Variants in INSL6 observed in about 807,000 individuals in gnomAD.
INSL6 encodes insulin like 6.
Under a neutral mutation model 9.4 loss-of-function variants are expected in INSL6, and 16 were observed. That is an observed-to-expected ratio of 1.70 (90% CI 1.15 to 2.59). The LOEUF (loss-of-function observed/expected upper bound fraction) is 2.59, where lower values mean the gene tolerates loss of function less well. Ranked by LOEUF, INSL6 falls within the 30% of genes most tolerant of loss-of-function variation. The pLI is 0.00. For synonymous variants in INSL6, 154 were observed against 96.9 expected (o/e 1.59, Z -3.46); for missense variants, 391 against 257.3 (o/e 1.52, Z -3.56).
At chr9:5,162,402 T>G (rs1179752427), downstream of INSL6, among the ~76,000 whole-genome samples, 2 of 152,116 alleles carry the variant, frequency 1.3e-5, no homozygotes, top group African/African-American at 4.8e-5. Context: ...TATATAGCTA[T>G]GCAAATAACA....
intron 2 of INSL6, among the ~76,000 whole-genome samples, chr9:5,149,105 T>G (rs1034055654): frequency 6.6e-6 from 1 of 152,208 alleles, no homozygotes; most frequent in Non-Finnish European, 1.5e-5. Flanking sequence ...TAACTCCATC[T>G]CTGTCGAATC....
the INSL6 span, among the ~76,000 whole-genome samples, chr9:5,072,278 C>A: frequency 6.6e-6 from 1 of 152,164 alleles, no homozygotes; most frequent in African/African-American, 2.4e-5. Flanking sequence ...AGCCAAAATA[C>A]ACTTAATTCA....
At chr9:5,120,738 T>C (rs746223731), downstream of INSL6, among the ~76,000 whole-genome samples, 1 of 152,168 alleles carries the variant, frequency 6.6e-6, no homozygotes, top group Non-Finnish European at 1.5e-5. Context: ...AGGAGACTGA[T>C]TGGAGATATT....
chr9:5,134,983 G>A (rs1824364689), intron 2 of INSL6, among the ~76,000 whole-genome samples: 1 of 152,154 alleles, frequency 6.6e-6, no homozygotes, highest in South Asian at 2.1e-4. Flanking sequence ...ATAAAGGAAT[G>A]GAGGAACATT....
At chr9:5,138,693 C>T (rs541860430) in intron 2 of INSL6, among the ~76,000 whole-genome samples, 1 of 151,042 alleles carries the variant, frequency 6.6e-6, no homozygotes, top group Admixed American at 6.6e-5. Flanking sequence ...AACAAACCTG[C>T]ACTTTCGGTA....
chr9:5,036,921 A>G, the INSL6 span, among the ~76,000 whole-genome samples: 1 of 152,248 alleles, frequency 6.6e-6, no homozygotes, highest in Middle Eastern at 3.2e-3. Flanking sequence ...CAGAGTGAAC[A>G]GGCAACCTAC....
At chr9:5,034,884 A>T in the INSL6 span, among the ~76,000 whole-genome samples, 1 of 152,064 alleles carries the variant, frequency 6.6e-6, no homozygotes, top group Non-Finnish European at 1.5e-5. Context: ...AATAACTGAG[A>T]TCAGAGCAGA....
intron 2 of INSL6, among the ~76,000 whole-genome samples, chr9:5,153,042 C>T (rs1244931233): frequency 6.6e-6 from 1 of 152,166 alleles, no homozygotes; most frequent in African/African-American, 2.4e-5. Flanking sequence ...CCTCGCAATC[C>T]GCAGACCAGG....
At chr9:5,031,696 A>T in the INSL6 span, among the ~76,000 whole-genome samples, 1 of 152,254 alleles carries the variant, frequency 6.6e-6, no homozygotes, top group Admixed American at 6.5e-5. Flanking sequence ...AGAAAAAATC[A>T]TATGGGAATG....
the INSL6 span, among the ~76,000 whole-genome samples, chr9:5,027,435 G>A: frequency 6.6e-6 from 1 of 152,162 alleles, no homozygotes; most frequent in Non-Finnish European, 1.5e-5. Flanking sequence ...CCTTCAGTGA[G>A]TCATAATCTT....
the INSL6 span, among the ~76,000 whole-genome samples, chr9:5,043,560 A>T: frequency 1.3e-5 from 2 of 152,212 alleles, no homozygotes; most frequent in African/African-American, 4.8e-5. Flanking sequence ...AAGGGTAAAC[A>T]AAGAGTTACC....
chr9:5,176,948 GC>G (rs1310953567), intron 1 of INSL6, among the ~76,000 whole-genome samples: 2 of 152,084 alleles, frequency 1.3e-5, no homozygotes, highest in Non-Finnish European at 2.9e-5. Flanking sequence ...AAAGTATTAA[GC>G]ATGAAATTAA....
chr9:5,130,289 T>C (rs999257984), intron 3 of INSL6, among the ~76,000 whole-genome samples: 2 of 152,258 alleles, frequency 1.3e-5, no homozygotes, highest in African/African-American at 2.4e-5. Context: ...TATATGGCAG[T>C]AGAAGCACTC....
At chr9:5,163,848 C>CAA, downstream of INSL6, 1 of 1,052,778 alleles carries the variant, frequency 9.5e-7, no homozygotes, top group African/African-American at 1.6e-5. Flanking sequence ...TGCACAATTA[C>CAA]AAAAAAAAAT....
At chr9:5,017,435 A>T in the INSL6 span, among the ~76,000 whole-genome samples, 1 of 152,188 alleles carries the variant, frequency 6.6e-6, no homozygotes, top group Non-Finnish European at 1.5e-5. Flanking sequence ...TCAGAAAACC[A>T]ACTCTTAGAT....
At chr9:5,141,281 C>G (rs10125113) in intron 2 of INSL6, among the ~76,000 whole-genome samples, 39,629 of 151,944 alleles carry the variant, frequency 0.26, 5,388 homozygotes, top group South Asian at 0.3. Flanking sequence ...GAATAGCCAC[C>G]CTGACTTCCA....
chr9:5,085,520 A>G, the INSL6 span: 4 of 717,906 alleles, frequency 5.6e-6, no homozygotes, highest in East Asian at 1.1e-4. Context: ...AATTCACCAC[A>G]CACCAAATCT....
chr9:5,041,846 G>A, the INSL6 span: 2 of 470,744 alleles, frequency 4.2e-6, no homozygotes, highest in Non-Finnish European at 8.5e-6. Flanking sequence ...ATGGGGAGCT[G>A]AACGCGGACG....
At chr9:5,013,622 C>T in the INSL6 span, among the ~76,000 whole-genome samples, 2 of 152,162 alleles carry the variant, frequency 1.3e-5, no homozygotes, top group African/African-American at 2.4e-5. Context: ...GCTTTTCTCC[C>T]TGCCAATAAT....
Sources: allele counts gnomAD v4.1 joint callset (sites outside exome capture counted in the v4.1 genomes callset), GRCh38; gene constraint gnomAD v4.1.1; transcripts MANE v1.5; gene names NCBI Gene and HGNC (gene_info 2026-07-23, HGNC 2026-07-21).